Variants in VAV2 observed in about 807,000 individuals in gnomAD.
The protein encoded by VAV2 is guanine nucleotide exchange factor VAV2.
Under a neutral mutation model 132.5 loss-of-function variants are expected in VAV2, and 67 were observed. The ratio of observed to expected loss-of-function variants is 0.51; its 90% CI spans 0.42 to 0.62. The LOEUF (loss-of-function observed/expected upper bound fraction) is 0.62. Among genes scored for constraint, VAV2 ranks in the 20% least tolerant of loss-of-function variants. The pLI, the probability that VAV2 is intolerant of heterozygous loss-of-function variation, is 0.00. For missense variants in VAV2, 938 were observed against 1,153.6 expected, an observed-to-expected ratio of 0.81 and a Z score of 2.71; for synonymous variants, 492 against 443.5, an observed-to-expected ratio of 1.11 and a Z score of -1.37.
At chr9:133,930,558 A>C (rs1840648922) in intron 2 of VAV2, among the ~76,000 whole-genome samples, 1 of 152,270 alleles carries the variant, frequency 6.6e-6, no homozygotes, top group African/African-American at 2.4e-5. Context: ...CTTGCTAGTC[A>C]GAGGGAAGAG....
At chr9:133,845,813 G>C (rs989051341) in intron 3 of VAV2, among the ~76,000 whole-genome samples, 1 of 152,232 alleles carries the variant, frequency 6.6e-6, no homozygotes, top group Non-Finnish European at 1.5e-5. Flanking sequence ...TGGTGAGACA[G>C]GGATGCCAGT....
At chr9:133,864,102 G>C (rs76147557) in intron 2 of VAV2, among the ~76,000 whole-genome samples, 2,122 of 152,254 alleles carry the variant, frequency 0.014, 50 homozygotes, top group African/African-American at 0.048. Flanking sequence ...AAATGTCAAA[G>C]GATGACATTT....
At chr9:133,954,165 C>T (rs927035498) in intron 1 of VAV2, among the ~76,000 whole-genome samples, 3 of 152,206 alleles carry the variant, frequency 2.0e-5, no homozygotes, top group East Asian at 1.9e-4. Flanking sequence ...CCCATCATTT[C>T]GAGAAGAAAG....
chr9:133,932,012 C>A (rs574831391), intron 2 of VAV2, among the ~76,000 whole-genome samples: 17 of 152,302 alleles, frequency 1.1e-4, no homozygotes, highest in Middle Eastern at 6.8e-3. Flanking sequence ...AGTCCCAGCT[C>A]GCAATGAGAT....
rs1838392422 is a variant in VAV2, at chr9:133,879,293, A to G, written c.322-17861T>C. Among the ~76,000 whole-genome samples the G allele has an allele frequency of 6.6e-6, 1 of 151,730 alleles. No individual in the cohort carries two copies. Among genetic ancestry groups the G allele is most frequent in the South Asian group, 2.1e-4 (1 of 4,754 alleles). ...AGCACTGTGCTAGGGTGACCTCTGG[A>G]GCTCCAAGGAACCAGCAGGGTGTGA... is the stretch of plus-strand genomic sequence containing the variant. On this transcript the variant is annotated intron_variant, in intron 2 of 29. Transcript: ENST00000371850. This position sits in a 1 kb window ranked among gnomAD's most constrained non-coding sequence, Gnocchi z 4.4.
At chr9:133,898,938 C>T (rs1291823527) in intron 2 of VAV2, among the ~76,000 whole-genome samples, 1 of 151,714 alleles carries the variant, frequency 6.6e-6, no homozygotes, top group Non-Finnish European at 1.5e-5. Flanking sequence ...TCTCCTGCCT[C>T]AGCCTCCCCA....
At position 133,895,536 on chromosome 9, in the gene VAV2, C is replaced by T. The variant is rs889366391; in HGVS notation, c.322-34104G>A. 6.6e-5 allele frequency among the ~76,000 whole-genome samples: 10 copies of T among 152,302 alleles called. No homozygotes were observed. The East Asian group carries it at 1.9e-3, about 29-fold the overall frequency. ...TCTCACCGCAACGTGCCAGCGGGTG[C>T]CAGCCAGGCACAGGGACAATCTATT... is the stretch of plus-strand genomic sequence containing the variant. On this transcript the variant is annotated intron_variant, in intron 2 of 29. Transcript: ENST00000371850.
intron 3 of VAV2, among the ~76,000 whole-genome samples, chr9:133,842,925 C>T (rs893799896): frequency 1.6e-4 from 24 of 152,218 alleles, no homozygotes; most frequent in African/African-American, 5.1e-4. Flanking sequence ...CCGCCAGACC[C>T]GTTTAATTAT....
At chr9:133,856,404 C>T (rs760593892) in intron 3 of VAV2, among the ~76,000 whole-genome samples, 6 of 152,248 alleles carry the variant, frequency 3.9e-5, no homozygotes, top group Non-Finnish European at 7.4e-5. Context: ...GAGCCCCAAC[C>T]GGGTCCCCAT....
intron 5 of VAV2, among the ~76,000 whole-genome samples, chr9:133,810,565 C>T (rs111284024): frequency 2.0e-5 from 3 of 152,206 alleles, no homozygotes; most frequent in Non-Finnish European, 4.4e-5. Flanking sequence ...GAAGCAGGAA[C>T]TGCCCCTTGC....
At chr9:133,869,819 C>T (rs1342339474) in intron 2 of VAV2, among the ~76,000 whole-genome samples, 1 of 152,164 alleles carries the variant, frequency 6.6e-6, no homozygotes, top group African/African-American at 2.4e-5. Flanking sequence ...GCCATTACCA[C>T]ACATCTGGAA....
chr9:133,876,689 C>CTA (rs2131921840), intron 2 of VAV2, among the ~76,000 whole-genome samples: 1 of 152,294 alleles, frequency 6.6e-6, no homozygotes, highest in Admixed American at 6.5e-5. Context: ...GGGGGCGGCC[C>CTA]CAAGGAGTCT....
At chr9:133,938,477 T>C (rs1021310512) in intron 2 of VAV2, among the ~76,000 whole-genome samples, 14 of 147,000 alleles carry the variant, frequency 9.5e-5, no homozygotes, top group South Asian at 4.5e-4. Flanking sequence ...CCTGCCAGCC[T>C]CAGGGTCCCC....
intron 2 of VAV2, among the ~76,000 whole-genome samples, chr9:133,937,257 T>G (rs1210687929): frequency 6.6e-6 from 1 of 152,064 alleles, no homozygotes; most frequent in Admixed American, 6.6e-5. Flanking sequence ...TGGATGTCTG[T>G]GTGAATGTGT....
Position 133,991,109 on chromosome 9 carries a change from C to T in VAV2, c.204+966G>A, listed in dbSNP as rs1047316361. 6.6e-5 allele frequency among the ~76,000 whole-genome samples: 10 copies of T among 152,160 alleles called. No individual in the cohort carries two copies. Among genetic ancestry groups the T allele is most frequent in the Admixed American group, 2.6e-4 (4 of 15,282 alleles). On this transcript the variant is annotated intron_variant, in intron 1 of 29. Transcript: ENST00000371850. The surrounding 1 kb of genome is among the most constrained non-coding windows in gnomAD (Gnocchi z 4.8). ...CCCTCTCCACATGGAGTTGCCACTG[C>T]GCGCGGTGAGGGGCTGCTGAGCTGG...
intron 2 of VAV2, among the ~76,000 whole-genome samples, chr9:133,922,232 C>T (rs1168851480): frequency 6.6e-6 from 1 of 152,234 alleles, no homozygotes; most frequent in Non-Finnish European, 1.5e-5. Context: ...TGCAGAAGTC[C>T]TCCCTCTGGC....
intron 1 of VAV2, among the ~76,000 whole-genome samples, chr9:133,966,846 C>T (rs1842156324): frequency 6.6e-6 from 1 of 151,976 alleles, no homozygotes; most frequent in Non-Finnish European, 1.5e-5. Flanking sequence ...ACCAGCCTGG[C>T]CAACACCGTA....
Position 133,763,633 on chromosome 9 carries a change from G to T in VAV2, c.*429C>A. ...AAGACAGGCAAGGCTGAGTCCAGGG[G>T]CTGAGCAGAGGGTGTGGGGGCAGGT... On this transcript the variant is annotated 3_prime_UTR_variant, in exon 30 of 30. Coordinates refer to ENST00000371850, the MANE Select transcript of VAV2 (RefSeq NM_001134398.2). This position sits in a 1 kb window ranked among gnomAD's most constrained non-coding sequence, Gnocchi z 6.8. 5.1e-6 allele frequency: 1 copy of T among 197,398 alleles called. No individual in the cohort carries two copies. The highest frequency in any genetic ancestry group is 1.0e-5 in the Non-Finnish European group (1 of 95,756). 12.2% of individuals were successfully genotyped at this position (197,398 alleles called of 1,614,324 possible). A position where few individuals can be genotyped will look rare whatever the true frequency, so the allele number is the denominator to read the frequency against.
intron 2 of VAV2, among the ~76,000 whole-genome samples, chr9:133,934,515 G>A (rs1156560463): frequency 2.0e-5 from 3 of 152,200 alleles, no homozygotes; most frequent in Non-Finnish European, 4.4e-5. Flanking sequence ...CAAGCAGCTG[G>A]GAGCTCAGAC....
Sources: gnomAD v4.1 joint callset for allele counts (sites outside exome capture counted in the v4.1 genomes callset) on GRCh38, gnomAD v4.1.1 for gene constraint, Gnocchi (gnomAD v3.1) non-coding constraint, MANE v1.5 for transcripts, NCBI Gene and HGNC (gene_info 2026-07-23, HGNC 2026-07-21) for gene names.